The following DNAJC7 variants were observed in gnomAD, a reference collection of about 807,000 sequenced individuals.
DNAJC7 encodes dnaJ homolog subfamily C member 7.
A neutral mutation model predicts 67.4 loss-of-function variants in DNAJC7; 18 were observed. That is an observed-to-expected ratio of 0.27 (90% CI 0.18 to 0.40). DNAJC7 has a LOEUF of 0.40. Among genes scored for constraint, DNAJC7 ranks in the 10% least tolerant of loss-of-function variants. The pLI, the probability that DNAJC7 is intolerant of heterozygous loss-of-function variation, is 1.00. For synonymous variants in DNAJC7, 220 were observed against 207.8 expected (o/e 1.06, Z -0.50); for missense variants, 419 against 613.8 (o/e 0.68, Z 3.35).
chr17:41,990,355 C>T lies in DNAJC7; in HGVS notation c.508G>A (p.Glu170Lys). ...AAGCGATGGCAGGCAGGGGCAAATT[C>T]TAGGGCACGGTCCATGCAGAAAACA... The part of the protein sequence containing the change: ...KVVFCMDRAL[E>K]FAPACHRFKI... Residue 170 changes from glutamate to lysine, a missense_variant, in exon 6 of 14, where the codon GAA (glutamate) becomes AAA (lysine). Physicochemically the swap from Glu to Lys is moderately conservative, Grantham distance 56. This residue lies in a region of DNAJC7 where 179 missense variants were observed against 249.7 expected (regional missense o/e 0.72). Transcript: ENST00000457167. 1.2e-6 allele frequency: 2 copies of T among 1,610,654 alleles called. No homozygotes were observed. Among genetic ancestry groups the T allele is most frequent in the South Asian group, 1.1e-5 (1 of 90,194 alleles).
intron 1 of DNAJC7, among the ~76,000 whole-genome samples, chr17:42,007,639 T>G (rs2052002071): frequency 6.6e-6 from 1 of 151,894 alleles, no homozygotes; most frequent in Non-Finnish European, 1.5e-5. Flanking sequence ...TTCTTGTGCC[T>G]CAGCCTCCCT....
chr17:42,016,986 G>T, intron 1 of DNAJC7: 2 of 1,252,892 alleles, frequency 1.6e-6, no homozygotes, highest in East Asian at 4.6e-5. Flanking sequence ...AGAGAACGCG[G>T]GGGTCGGGGG....
chr17:42,006,689 C>T (rs1036729013), intron 1 of DNAJC7, among the ~76,000 whole-genome samples: 2 of 146,932 alleles, frequency 1.4e-5, no homozygotes, highest in African/African-American at 2.5e-5. Context: ...CCCAGCTACC[C>T]GGGACGCTGA....
intron 12 of DNAJC7, among the ~76,000 whole-genome samples, chr17:41,981,124 C>T (rs1247594735): frequency 6.6e-6 from 1 of 152,234 alleles, no homozygotes; most frequent in East Asian, 1.9e-4. Context: ...CAACCTCCAC[C>T]TCCCGGGTTC....
At chr17:42,010,168 G>A (rs1363852666) in intron 1 of DNAJC7, among the ~76,000 whole-genome samples, 1 of 149,826 alleles carries the variant, frequency 6.7e-6, no homozygotes, top group African/African-American at 2.5e-5. Context: ...GAAAGAGACA[G>A]ACAGAAAGAG....
chr17:42,001,405 C>T (rs576496879), intron 1 of DNAJC7, among the ~76,000 whole-genome samples: 1 of 152,164 alleles, frequency 6.6e-6, no homozygotes, highest in South Asian at 2.1e-4. Flanking sequence ...TAAACTTTGT[C>T]CTAAAGGAAC....
intron 1 of DNAJC7, chr17:42,014,682 C>G (rs1364804202): frequency 1.3e-5 from 2 of 151,138 alleles, no homozygotes; most frequent in African/African-American, 4.9e-5. Flanking sequence ...ACCTCTGCCT[C>G]AGCCTCCTGA....
At chr17:41,990,551 A>T (rs2051487756) in intron 5 of DNAJC7, among the ~76,000 whole-genome samples, 169 bp from the exon 6 acceptor site, 1 of 152,224 alleles carries the variant, frequency 6.6e-6, no homozygotes, top group African/African-American at 2.4e-5. Context: ...AAAAGCACTG[A>T]AATGAGGACA....
intron 9 of DNAJC7, among the ~76,000 whole-genome samples, chr17:41,987,199 G>A (rs2051406066): frequency 6.6e-6 from 1 of 152,106 alleles, no homozygotes; most frequent in South Asian, 2.1e-4. Context: ...AGCATTAGAG[G>A]TAGGCACATC....
intron 1 of DNAJC7, among the ~76,000 whole-genome samples, chr17:42,009,366 G>A (rs1210503145): frequency 6.6e-6 from 1 of 152,202 alleles, no homozygotes; most frequent in Non-Finnish European, 1.5e-5. Flanking sequence ...TCTACACAAA[G>A]CAGCAGCACT....
At chr17:42,009,164 TAG>T (rs1555650768) in intron 1 of DNAJC7, among the ~76,000 whole-genome samples, 1 of 152,194 alleles carries the variant, frequency 6.6e-6, no homozygotes, top group East Asian at 1.9e-4. Context: ...TCCTACAGAA[TAG>T]ATAGTTTTCA....
intron 5 of DNAJC7, 139 bp downstream of exon 5, chr17:41,994,731 A>G (rs782383502): frequency 1.5e-6 from 1 of 683,746 alleles, no homozygotes; most frequent in African/African-American, 1.8e-5. Flanking sequence ...TAAGAGGAAA[A>G]GTCAGAAGCC....
intron 1 of DNAJC7, chr17:42,016,253 A>T (rs2052282044): frequency 6.6e-6 from 1 of 152,210 alleles, no homozygotes; most frequent in African/African-American, 2.4e-5. Flanking sequence ...TTTCGAACTC[A>T]TTAGATAGTA....
intron 12 of DNAJC7, among the ~76,000 whole-genome samples, chr17:41,979,682 G>T (rs1444531954): frequency 2.1e-5 from 1 of 48,078 alleles, no homozygotes; most frequent in Non-Finnish European, 5.2e-5. Flanking sequence ...AAAAAAAAAG[G>T]CCGGGCGCGG....
rs1220701946 is a variant in DNAJC7 at position 41,997,148 on chromosome 17, T to C, written c.258A>G (p.Gln86=). 1.9e-6 allele frequency: 3 copies of C among 1,613,900 alleles called. No homozygotes were observed. Among genetic ancestry groups the C allele is most frequent in the Admixed American group, 3.3e-5 (2 of 59,994 alleles). ...AACTGTCATCCAACCTCACTGACTGTTGTGCATCTCCAAGAGCTTCCCGGA... is the reference window on the plus strand; with the variant it reads ...AACTGTCATCCAACCTCACTGACTGCTGTGCATCTCCAAGAGCTTCCCGGA... ...GRFREALGDA[Q]QSVRLDDSFV... is the part of the protein sequence containing the mutation. Residue 86 remains glutamine, a synonymous_variant, in exon 3 of 14, where the codon CAA becomes CAG. Coordinates refer to ENST00000457167, the MANE Select transcript of DNAJC7 (RefSeq NM_003315.4).
At position 41,996,429 on chromosome 17, in the gene DNAJC7, A is replaced by G. The variant is rs782784430; in HGVS notation, c.292-5T>C. ...CTTGCCCTCTCGTAGATGTCCCTAAAAGAACACCAAGAGGGAAGAAAAGAA... is the reference window on the plus strand; with the variant it reads ...CTTGCCCTCTCGTAGATGTCCCTAAGAGAACACCAAGAGGGAAGAAAAGAA... On this transcript the variant is annotated splice_region_variant and splice_polypyrimidine_tract_variant and intron_variant, in intron 3 of 13. Coordinates refer to ENST00000457167, the MANE Select transcript of DNAJC7 (RefSeq NM_003315.4). 6.2e-7 allele frequency: 1 copy of G among 1,609,950 alleles called. No individual in the cohort carries two copies. Among genetic ancestry groups the G allele is most frequent in the Non-Finnish European group, 8.5e-7 (1 of 1,178,456 alleles).
In DNAJC7 at chr17:41,994,910, T is replaced by A; in HGVS notation, c.440A>T (p.Lys147Ile). Residue 147 changes from lysine (K) to isoleucine (I), a missense_variant, in exon 5 of 14, where the codon AAA becomes ATA. Coordinates refer to ENST00000457167, the MANE Select transcript of DNAJC7 (RefSeq NM_003315.4). ...CTTCTCAAAATCTGTTTCTGCTATT[T>A]TCTCATATTCCATGACTGCATTAGC... ...KNANAVMEYE[K>I]IAETDFEKRD... 6.2e-7 allele frequency: 1 copy of A among 1,613,998 alleles called. No individual in the cohort carries two copies. Among genetic ancestry groups the A allele is most frequent in the East Asian group, 2.2e-5 (1 of 44,874 alleles).
At chr17:42,000,627 ATCTTAC>A in intron 1 of DNAJC7, 57 bp from the exon 2 acceptor site, 3 of 1,346,068 alleles carry the variant, frequency 2.2e-6, no homozygotes, top group Non-Finnish European at 3.1e-6. Context: ...AACCTCTGTA[ATCTTAC>A]AGGAGGAATC....
At chr17:42,000,407 C>A in intron 2 of DNAJC7, 75 bp downstream of exon 2, 1 of 1,056,156 alleles carries the variant, frequency 9.5e-7, no homozygotes. Context: ...GCGTGAGCCA[C>A]CAGGACTTGG....
Sources: gnomAD v4.1 joint callset for allele counts (sites outside exome capture counted in the v4.1 genomes callset) on GRCh38, gnomAD v4.1.1 for gene constraint, gnomAD v4.1.1 regional missense constraint, MANE v1.5 for transcripts, NCBI Gene and HGNC (gene_info 2026-07-23, HGNC 2026-07-21) for gene names.